AP4M1: variants seen among roughly 807,000 people sequenced by gnomAD.
AP4M1 encodes the protein AP-4 complex subunit mu-1.
A neutral mutation model predicts 62.4 loss-of-function variants in AP4M1; 58 were observed. The ratio of observed to expected loss-of-function variants is 0.93; its 90% CI spans 0.75 to 1.16. The LOEUF is 1.16. Ranked by LOEUF, AP4M1 falls within the 50% of genes most tolerant of loss-of-function variation. AP4M1 has a pLI of 0.00. For missense variants in AP4M1, 626 were observed against 585.4 expected (o/e 1.07, Z -0.72); for synonymous variants, 290 against 239.7 (o/e 1.21, Z -1.94).
chr7:100,107,783 A>G lies in AP4M1; in HGVS notation c.*901A>G. The G allele has an allele frequency of 1.5e-6, 2 of 1,364,240 alleles. No homozygotes were observed. The highest frequency in any genetic ancestry group is 2.7e-5 in the Admixed American group (1 of 36,862). The allele number at this position is 1,364,240 out of a possible 1,614,324, so 84.5% of individuals were successfully genotyped here. A position where few individuals can be genotyped will look rare whatever the true frequency, so the allele number is the denominator to read the frequency against. ...GACCTTGTTCATGCAGGGCAGCTAC[A>G]GCCCTGCAGGACCCTGGTGGGCGCC... is the stretch of plus-strand genomic sequence containing the variant. On this transcript the variant is annotated 3_prime_UTR_variant, in exon 15 of 15. Coordinates refer to ENST00000359593, the MANE Select transcript of AP4M1 (RefSeq NM_004722.4).
rs781768797 is a variant in AP4M1 at position 100,108,352 on chromosome 7, C to T, written c.*1470C>T. 13 of 1,589,120 alleles carry T rather than the reference C, an allele frequency of 8.2e-6. No individual in the cohort carries two copies. The highest frequency in any genetic ancestry group is 1.1e-5 in the South Asian group (1 of 89,706). The stretch of plus-strand genomic sequence containing the variant: ...TCTGCTTCCTCCTATTCCTCCTCCC[C>T]ACCCGGCCACGGACCTGCGTGATGG... On this transcript the variant is annotated 3_prime_UTR_variant, in exon 15 of 15. Coordinates refer to ENST00000359593, the MANE Select transcript of AP4M1 (RefSeq NM_004722.4).
rs1203231634 is a variant in AP4M1, at chr7:100,102,385, C to T, written c.148-290C>T. ...CAGCCTGGGAGACAGAGCGAGACTC[C>T]CTCTCGGGGTAGGTGGGGGTGGGGA... On this transcript the variant is annotated intron_variant, in intron 2 of 14. Coordinates refer to ENST00000359593, the MANE Select transcript of AP4M1 (RefSeq NM_004722.4). 1.1e-5 allele frequency: 6 copies of T among 522,542 alleles called. No individual in the cohort carries two copies. The African/African-American group carries it at 1.2e-4, about 10-fold the overall frequency. The allele number at this position is 522,542 out of a possible 1,614,324, so 32.4% of individuals were successfully genotyped here. A position where few individuals can be genotyped will look rare whatever the true frequency, so the allele number is the denominator to read the frequency against.
chr7:100,105,116 C>G lies in AP4M1; in HGVS notation c.727+18C>G. 6.2e-7 allele frequency: 1 copy of G among 1,614,050 alleles called. No homozygotes were observed. The highest frequency in any genetic ancestry group is 8.5e-7 in the Non-Finnish European group (1 of 1,179,994). On this transcript the variant is annotated intron_variant, in intron 9 of 14. Coordinates refer to ENST00000359593, the MANE Select transcript of AP4M1 (RefSeq NM_004722.4). ...GCTGAGAGGTGAGGAGAAAGTGGGT[C>G]TTTCTCCCCTTGGAGTAGGTCATTG...
intron 2 of AP4M1, 144 bp downstream of exon 2, chr7:100,102,112 G>A (rs1334815404): frequency 1.9e-5 from 17 of 916,800 alleles, no homozygotes; most frequent in Non-Finnish European, 2.9e-5. Context: ...CCGGCGCGGT[G>A]GCTCACGCCT....
chr7:100,104,911 G>A lies in AP4M1; in HGVS notation c.644G>A (p.Arg215Gln), dbSNP rs771630314. Reference sequence around the variant, plus strand: ...AAGGTGGATGTGCAGGGAGAGATTCGGCTCAAGAGCTTCCTTCCTAGCGGC... The same window carrying A: ...AAGGTGGATGTGCAGGGAGAGATTCAGCTCAAGAGCTTCCTTCCTAGCGGC... ...LLKVDVQGEI[R>Q]LKSFLPSGSE... Residue 215 changes from arginine to glutamine, a missense_variant, in exon 8 of 15, where the codon CGG (arginine) becomes CAG (glutamine). Transcript: ENST00000359593. 5 of 1,614,146 alleles carry A rather than the reference G, an allele frequency of 3.1e-6. No homozygotes were observed. The highest frequency in any genetic ancestry group is 2.2e-5 in the East Asian group (1 of 44,886).
chr7:100,101,792 C>CT lies in AP4M1; in HGVS notation c.58+21dup, dbSNP rs776056060. On this transcript the variant is annotated intron_variant, in intron 1 of 14. Transcript: ENST00000359593. ...AAGACTGTATCCTAGACCCTTGGGG[C>CT]TGGGAAGGGGCGGAGGGGCCGGGCG... is the stretch of plus-strand genomic sequence containing the variant. 13 of 1,046,548 alleles carry CT rather than the reference C, an allele frequency of 1.2e-5. No homozygotes were observed. The highest frequency in any genetic ancestry group is 1.7e-5 in the Non-Finnish European group (12 of 711,532). The allele number at this position is 1,046,548 out of a possible 1,614,324, so 64.8% of individuals were successfully genotyped here. A position where few individuals can be genotyped will look rare whatever the true frequency, so the allele number is the denominator to read the frequency against.
intron 4 of AP4M1, 166 bp downstream of exon 4, chr7:100,103,126 C>T (rs1365404051): frequency 1.5e-6 from 1 of 676,062 alleles, no homozygotes. Context: ...GGCTGGACTG[C>T]AGTGGTGCAG....
rs774302896 is a variant in AP4M1, at chr7:100,105,274, G to A, written c.762G>A (p.Ser254=). The change falls in exon 10 of 15, where the codon TCG becomes TCA. Residue 254 remains serine, a synonymous_variant. Coordinates refer to ENST00000359593, the MANE Select transcript of AP4M1 (RefSeq NM_004722.4). Reference sequence around the variant, plus strand: ...CAGGAATCCGGGTCGATGAAGTCTCGTTTCACAGCTCTGTGAATCTGGACG... The same window carrying A: ...CAGGAATCCGGGTCGATGAAGTCTCATTTCACAGCTCTGTGAATCTGGACG... ...YGPGIRVDEV[S]FHSSVNLDEF... 7.4e-6 allele frequency: 12 copies of A among 1,613,898 alleles called. No homozygotes were observed. The highest frequency in any genetic ancestry group is 4.0e-5 in the African/African-American group (3 of 74,860).
chr7:100,101,695 G>C lies in AP4M1; in HGVS notation c.-20G>C. On this transcript the variant is annotated 5_prime_UTR_variant, in exon 1 of 15. Coordinates refer to ENST00000359593, the MANE Select transcript of AP4M1 (RefSeq NM_004722.4). Reference sequence around the variant, plus strand: ...CAGGCCCGACTTTCGCCGTCTTCTTGTCTACTCTCCAGAACGGCCATGATT... The same window carrying C: ...CAGGCCCGACTTTCGCCGTCTTCTTCTCTACTCTCCAGAACGGCCATGATT... The C allele has an allele frequency of 6.2e-7, 1 of 1,611,668 alleles. No homozygotes were observed. Among genetic ancestry groups the C allele is most frequent in the Non-Finnish European group, 8.5e-7 (1 of 1,178,034 alleles).
chr7:100,102,371 A>G, intron 2 of AP4M1: 1 of 511,402 alleles, frequency 2.0e-6, no homozygotes, highest in South Asian at 2.1e-5. Flanking sequence ...AGCCTGGGAG[A>G]CAGAGCGAGA....
At position 100,103,744 on chromosome 7, in the gene AP4M1, G is replaced by T. The variant is rs758066044; in HGVS notation, c.543+52G>T. The T allele has an allele frequency of 3.1e-6, 5 of 1,587,848 alleles. No individual in the cohort carries two copies. In the Admixed American group the frequency reaches 8.3e-5, roughly 26 times the overall value. On this transcript the variant is annotated intron_variant, in intron 6 of 14. Coordinates refer to ENST00000359593, the MANE Select transcript of AP4M1 (RefSeq NM_004722.4). ...CGCTCTGGTTTTGCTCTGGGATCCG[G>T]GAGTCCAAGATCTTAGGTCGGGCAC...
chr7:100,107,537 G>T lies in AP4M1; in HGVS notation c.*655G>T. On this transcript the variant is annotated 3_prime_UTR_variant, in exon 15 of 15. Transcript: ENST00000359593. ...TGGTGGCGGTGGAGACCAACTTGAC[G>T]ATGGGCTGCACGCTGGGGACGGTGG... 1.2e-6 allele frequency: 2 copies of T among 1,614,116 alleles called. No individual in the cohort carries two copies. The highest frequency in any genetic ancestry group is 1.1e-5 in the South Asian group (1 of 91,076).
chr7:100,102,276 A>G (rs1025724019), intron 2 of AP4M1: 2 of 556,366 alleles, frequency 3.6e-6, no homozygotes, highest in Admixed American at 2.9e-5. Context: ...CTGTAATCCC[A>G]TCTACTCGGG....
chr7:100,107,600 G>A lies in AP4M1; in HGVS notation c.*718G>A. ...AAGTGGTGGTGGAACCTGAGCCGGG[G>A]GCCGAGGTGCTGAGGGACAGGACCT... On this transcript the variant is annotated 3_prime_UTR_variant, in exon 15 of 15. Coordinates refer to ENST00000359593, the MANE Select transcript of AP4M1 (RefSeq NM_004722.4). 2 of 1,613,420 alleles carry A rather than the reference G, an allele frequency of 1.2e-6. No homozygotes were observed. Among genetic ancestry groups the A allele is most frequent in the Non-Finnish European group, 1.7e-6 (2 of 1,179,828 alleles).
upstream of AP4M1, chr7:100,101,565 G>GC: frequency 2.3e-6 from 2 of 884,958 alleles, no homozygotes; most frequent in Non-Finnish European, 3.7e-6. Flanking sequence ...GCGGGGTAGT[G>GC]CAGGCGCCGG....
At chr7:100,103,725 G>A in intron 6 of AP4M1, 33 bp downstream of exon 6, 1 of 1,605,102 alleles carries the variant, frequency 6.2e-7, no homozygotes, top group South Asian at 1.1e-5. Context: ...CAGACGCTCT[G>A]GTTTTGCTCT....
At chr7:100,101,005 A>G (rs867855037), upstream of AP4M1, 1 of 820,434 alleles carries the variant, frequency 1.2e-6, no homozygotes. Flanking sequence ...CAGCCGGGTT[A>G]GCGCGCCCCC....
rs759204563 is a variant in AP4M1, at chr7:100,101,808, G to A, written c.58+36G>A. On this transcript the variant is annotated intron_variant, in intron 1 of 14. Transcript: ENST00000359593. ...CCCTTGGGGCTGGGAAGGGGCGGAG[G>A]GGCCGGGCGGGAGGGGCGCCCAGGG... The A allele has an allele frequency of 3.7e-6, 6 of 1,610,106 alleles. No homozygotes were observed. In the Admixed American group the frequency reaches 8.3e-5, roughly 22 times the overall value.
chr7:100,105,213 G>A (rs1796361932), intron 9 of AP4M1, 27 bp from the exon 10 acceptor site: 1 of 1,612,388 alleles, frequency 6.2e-7, no homozygotes, highest in South Asian at 1.1e-5. Flanking sequence ...GGAGTCAGGA[G>A]AGAAGTCTCT....
Sources: allele counts gnomAD v4.1 joint callset, GRCh38; gene constraint gnomAD v4.1.1; transcripts MANE v1.5; gene names NCBI Gene and HGNC (gene_info 2026-07-23, HGNC 2026-07-21).